Variants in TRAPPC9 observed in about 807,000 individuals in gnomAD.
TRAPPC9 encodes the protein IKK2 binding protein.
Under a neutral mutation model 124.0 loss-of-function variants are expected in TRAPPC9, and 83 were observed. The observed-to-expected ratio is 0.67, with a 90% CI of 0.56 to 0.80. The LOEUF (loss-of-function observed/expected upper bound fraction) is 0.80. Among genes scored for constraint, TRAPPC9 ranks in the 30% least tolerant of loss-of-function variants. The probability of loss-of-function intolerance (pLI) is 0.00; values close to 1 mark genes in which losing one functional copy is unlikely to be tolerated. For missense variants in TRAPPC9, 1,302 were observed against 1,508.3 expected, an observed-to-expected ratio of 0.86 and a Z score of 2.27; for synonymous variants, 638 against 617.5, an observed-to-expected ratio of 1.03 and a Z score of -0.49.
At chr8:140,432,430 A>C (rs1269278213) in intron 4 of TRAPPC9, among the ~76,000 whole-genome samples, 1 of 152,238 alleles carries the variant, frequency 6.6e-6, no homozygotes, top group African/African-American at 2.4e-5. Context: ...AAACTCGAGC[A>C]TCTGGCCCAC....
At chr8:140,057,604 A>C (rs1174122213) in intron 17 of TRAPPC9, among the ~76,000 whole-genome samples, 1 of 152,226 alleles carries the variant, frequency 6.6e-6, no homozygotes, top group Non-Finnish European at 1.5e-5. Context: ...CAAACACTGC[A>C]CGATTCTGCT....
intron 17 of TRAPPC9, among the ~76,000 whole-genome samples, chr8:140,151,014 C>T (rs1421193741): frequency 6.6e-6 from 1 of 152,142 alleles, no homozygotes; most frequent in Non-Finnish European, 1.5e-5. Flanking sequence ...AGCAAGATGA[C>T]ATTTAGCTAA....
At chr8:140,169,830 C>T (rs2061931366) in intron 17 of TRAPPC9, among the ~76,000 whole-genome samples, 2 of 151,972 alleles carry the variant, frequency 1.3e-5, no homozygotes, top group Non-Finnish European at 2.9e-5. Flanking sequence ...CTCAACCTCC[C>T]GGGCTCAACT....
chr8:140,247,653 T>C (rs1028147248), intron 16 of TRAPPC9, among the ~76,000 whole-genome samples: 5 of 152,152 alleles, frequency 3.3e-5, no homozygotes, highest in Non-Finnish European at 7.4e-5. Flanking sequence ...TGGTGTCTCA[T>C]AGCAGATATA....
intron 10 of TRAPPC9, among the ~76,000 whole-genome samples, chr8:140,306,492 CAAAAAA>C (rs11447991): frequency 8.7e-6 from 1 of 115,488 alleles, no homozygotes; most frequent in Non-Finnish European, 1.8e-5. Context: ...GACTCTGTCT[CAAAAAA>C]AAAAAAAAAA....
rs1190125914 is a variant in TRAPPC9 at position 140,097,704 on chromosome 8, C to A, written c.2557-73625G>T. The A allele has an allele frequency of 6.6e-6, 1 of 152,182 alleles. No homozygotes were observed. The highest frequency in any genetic ancestry group is 1.5e-5 in the Non-Finnish European group (1 of 68,030). 9.4% of individuals were successfully genotyped at this position (152,182 alleles called of 1,614,324 possible). A position where few individuals can be genotyped will look rare whatever the true frequency, so the allele number is the denominator to read the frequency against. ...TGCCGCTGTCCACAGGGTAAGAACGCCTGTCTGGGTGGGTCCTTGGTGCAC... is the reference window on the plus strand; with the variant it reads ...TGCCGCTGTCCACAGGGTAAGAACGACTGTCTGGGTGGGTCCTTGGTGCAC... On this transcript the variant is annotated intron_variant, in intron 17 of 22. Coordinates refer to ENST00000438773, the MANE Select transcript of TRAPPC9 (RefSeq NM_001160372.4). The surrounding 1 kb of genome is among the most constrained non-coding windows in gnomAD (Gnocchi z 4.2).
At chr8:140,280,030 T>G (rs2065259271) in intron 14 of TRAPPC9, among the ~76,000 whole-genome samples, 1 of 152,248 alleles carries the variant, frequency 6.6e-6, no homozygotes, top group Non-Finnish European at 1.5e-5. Context: ...GCTCTCTCAG[T>G]GCCCACCTCC....
At chr8:140,287,348 G>T (rs1324021182) in intron 13 of TRAPPC9, among the ~76,000 whole-genome samples, 1 of 152,120 alleles carries the variant, frequency 6.6e-6, no homozygotes, top group African/African-American at 2.4e-5. Context: ...CTCACTGGAG[G>T]AAGACAGCAG....
chr8:140,454,665 A>C (rs2071589498), intron 1 of TRAPPC9, among the ~76,000 whole-genome samples: 1 of 139,936 alleles, frequency 7.1e-6, no homozygotes, highest in Admixed American at 7.2e-5. Flanking sequence ...AAAAAACACA[A>C]CCTGACCTCA....
intron 21 of TRAPPC9, among the ~76,000 whole-genome samples, chr8:139,781,530 T>C (rs143051155): frequency 1.1e-4 from 17 of 152,358 alleles, no homozygotes; most frequent in African/African-American, 4.1e-4. Context: ...CTATTCTGTA[T>C]GATACTCTAA....
intron 21 of TRAPPC9, among the ~76,000 whole-genome samples, chr8:139,759,570 G>C (rs1189386834): frequency 6.6e-6 from 1 of 152,098 alleles, no homozygotes; most frequent in East Asian, 1.9e-4. Context: ...GGGCTACAGC[G>C]GTTCCTCTGC....
At chr8:140,160,487 C>A (rs1183884734) in intron 17 of TRAPPC9, among the ~76,000 whole-genome samples, 1 of 152,088 alleles carries the variant, frequency 6.6e-6, no homozygotes, top group African/African-American at 2.4e-5. Flanking sequence ...GAGTTCAAGT[C>A]CTTTGTAGGG....
chr8:140,048,481 C>G (rs557196554), intron 17 of TRAPPC9, among the ~76,000 whole-genome samples: 2 of 152,114 alleles, frequency 1.3e-5, no homozygotes, highest in Non-Finnish European at 2.9e-5. Context: ...AGGCCAGGAT[C>G]ATGAGAGCGA....
chr8:140,399,496 T>C (rs749522962), intron 6 of TRAPPC9, among the ~76,000 whole-genome samples: 11 of 152,238 alleles, frequency 7.2e-5, no homozygotes, highest in Non-Finnish European at 1.5e-4. Flanking sequence ...ATACGAGACA[T>C]GGAATCAAAG....
At chr8:139,806,952 G>A (rs1172974185) in intron 21 of TRAPPC9, among the ~76,000 whole-genome samples, 2 of 152,210 alleles carry the variant, frequency 1.3e-5, no homozygotes, top group African/African-American at 2.4e-5. Flanking sequence ...TGCTTTGATC[G>A]GCCACAGGCC....
intron 7 of TRAPPC9, among the ~76,000 whole-genome samples, chr8:140,379,448 T>C (rs769951215): frequency 6.6e-6 from 1 of 152,184 alleles, no homozygotes; most frequent in Non-Finnish European, 1.5e-5. Context: ...TTTCTTCAGG[T>C]GGGCAAGTGC....
chr8:140,002,826 C>A (rs1249837338), intron 18 of TRAPPC9, among the ~76,000 whole-genome samples: 3 of 87,024 alleles, frequency 3.4e-5, no homozygotes, highest in South Asian at 8.2e-4. Flanking sequence ...AGTGTTGGGA[C>A]AACTGGATTC....
In TRAPPC9 at chr8:139,820,007, CAAAAAAAAAAA is replaced by C. The variant is rs35064399; in HGVS notation, c.3055+65861_3055+65871del. The stretch of plus-strand genomic sequence containing the variant: ...TGGGCGACAGAGTAAGACTCTGTCT[CAAAAAAAAAAA>C]AAAAAAAAAAAAAGAGAAAACTACC... On this transcript the variant is annotated intron_variant, in intron 21 of 22. Transcript: ENST00000438773. Among the ~76,000 whole-genome samples the C allele has an allele frequency of 2.1e-4, 11 of 51,824 alleles. No homozygotes were observed. The East Asian group carries it at 7.3e-3, about 34-fold the overall frequency. The allele number at this position is 51,824 out of a possible 152,430, so 34.0% of individuals were successfully genotyped here. A position where few individuals can be genotyped will look rare whatever the true frequency, so the allele number is the denominator to read the frequency against.
intron 17 of TRAPPC9, among the ~76,000 whole-genome samples, chr8:140,049,688 C>T (rs925162520): frequency 6.6e-6 from 1 of 152,160 alleles, no homozygotes; most frequent in African/African-American, 2.4e-5. Context: ...TGTCCAAACA[C>T]CAAACCCTGG....
Sources: gnomAD v4.1 joint callset for allele counts (sites outside exome capture counted in the v4.1 genomes callset) on GRCh38, gnomAD v4.1.1 for gene constraint, Gnocchi (gnomAD v3.1) non-coding constraint, MANE v1.5 for transcripts, NCBI Gene and HGNC (gene_info 2026-07-23, HGNC 2026-07-21) for gene names.